Variants in AK4 observed in about 807,000 individuals in gnomAD.
AK4 encodes adenylate kinase 4, mitochondrial.
A neutral mutation model predicts 24.6 loss-of-function variants in AK4; 13 were observed. The ratio of observed to expected loss-of-function variants is 0.53; its 90% confidence interval spans 0.34 to 0.84. The LOEUF is 0.84. Among genes scored for constraint, AK4 ranks in the 40% least tolerant of loss-of-function variants. The pLI, the probability that AK4 is intolerant of heterozygous loss-of-function variation, is 0.01. For missense variants in AK4, 192 were observed against 288.2 expected (o/e 0.67, Z 2.42); for synonymous variants, 88 against 107.0 (o/e 0.82, Z 1.10).
At chr1:65,200,953 C>G (rs887621659) in intron 2 of AK4, among the ~76,000 whole-genome samples, 1 of 152,076 alleles carries the variant, frequency 6.6e-6, no homozygotes, top group Non-Finnish European at 1.5e-5. Context: ...GCCACCACGC[C>G]CAGCTAATTT....
intron 1 of AK4, among the ~76,000 whole-genome samples, chr1:65,153,739 T>A (rs1649878794): frequency 6.6e-6 from 1 of 152,214 alleles, no homozygotes; most frequent in Non-Finnish European, 1.5e-5. Flanking sequence ...GTTGTGTGAT[T>A]AGGGAAGGCC....
chr1:65,147,602 C>G (rs1649603408), upstream of AK4: 1 of 151,838 alleles, frequency 6.6e-6, no homozygotes, highest in Non-Finnish European at 1.5e-5. Flanking sequence ...ACTGGGCGGG[C>G]GGAGGCGGCG....
At chr1:65,180,926 G>A (rs1650884298) in intron 1 of AK4, among the ~76,000 whole-genome samples, 1 of 152,108 alleles carries the variant, frequency 6.6e-6, no homozygotes, top group Non-Finnish European at 1.5e-5. Flanking sequence ...TGATACTTCA[G>A]GGTAGAGTGG....
At chr1:65,211,531 A>T (rs779579496) in intron 2 of AK4, among the ~76,000 whole-genome samples, 1 of 152,222 alleles carries the variant, frequency 6.6e-6, no homozygotes, top group Non-Finnish European at 1.5e-5. Context: ...GACAAATAGC[A>T]CTTGATTTAA....
At chr1:65,220,696 G>T (rs946349849) in intron 3 of AK4, among the ~76,000 whole-genome samples, 1 of 152,098 alleles carries the variant, frequency 6.6e-6, no homozygotes, top group Non-Finnish European at 1.5e-5. Flanking sequence ...GGCTGGTCTC[G>T]AACCCCTGAT....
intron 2 of AK4, among the ~76,000 whole-genome samples, chr1:65,205,347 G>T (rs974069592): frequency 6.6e-6 from 1 of 152,066 alleles, no homozygotes; most frequent in Non-Finnish European, 1.5e-5. Flanking sequence ...GGATCCTCCC[G>T]CCTCAGCCTC....
intron 4 of AK4, 49 bp from the exon 5 acceptor site, chr1:65,226,014 G>A (rs564798376): frequency 7.6e-5 from 121 of 1,582,352 alleles, no homozygotes; most frequent in Admixed American, 1.7e-4. Context: ...GCACTAATAC[G>A]TGGAAAAGAA....
intron 1 of AK4, 112 bp downstream of exon 1, chr1:65,148,664 C>A: frequency 1.4e-6 from 2 of 1,390,204 alleles, no homozygotes; most frequent in Non-Finnish European, 1.9e-6. Context: ...CGCGTGTGGT[C>A]GTGCAGGCTC....
At chr1:65,211,752 A>T (rs1339835787) in intron 2 of AK4, among the ~76,000 whole-genome samples, 1 of 152,254 alleles carries the variant, frequency 6.6e-6, no homozygotes, top group Admixed American at 6.5e-5. Context: ...AGTAAACAAG[A>T]ACTTAAAATG....
rs547269173 is a variant in AK4, at chr1:65,166,975, T to C, written c.145+18423T>C. On this transcript the variant is annotated intron_variant, in intron 1 of 4. Coordinates refer to ENST00000327299, the MANE Select transcript of AK4 (RefSeq NM_013410.4). ...GGTGAAACCCTGTCTCTACTAAAAA[T>C]ACAAAGATTAGCTAGGTGTGGTGGC... 2.2e-4 allele frequency among the ~76,000 whole-genome samples: 34 copies of C among 152,244 alleles called. No homozygotes were observed. In the East Asian group the frequency reaches 6.0e-3, roughly 27 times the overall value.
intron 1 of AK4, among the ~76,000 whole-genome samples, chr1:65,173,196 C>T (rs531220628): frequency 4.6e-5 from 7 of 152,104 alleles, no homozygotes; most frequent in Middle Eastern, 6.8e-3. Flanking sequence ...AAGTCTTGGT[C>T]GTCAGTATTG....
chr1:65,224,793 G>C lies in AK4; in HGVS notation c.480G>C (p.Glu160Asp). The change falls in exon 4 of 5, where the codon GAG becomes GAC. Residue 160 changes from glutamate to aspartate, a missense_variant. Transcript: ENST00000327299. ...CTGGTGAACCGTTAGTCCAGCAGGA[G>C]GATGATAAACCCGAAGCAGTTGCTG... ...DVTGEPLVQQ[E>D]DDKPEAVAAR... 6.2e-7 allele frequency: 1 copy of C among 1,613,782 alleles called. No homozygotes were observed. Among genetic ancestry groups the C allele is most frequent in the South Asian group, 1.1e-5 (1 of 91,056 alleles).
At chr1:65,170,397 C>G (rs1018739046) in intron 1 of AK4, among the ~76,000 whole-genome samples, 1 of 151,960 alleles carries the variant, frequency 6.6e-6, no homozygotes, top group South Asian at 2.1e-4. Context: ...CAAAAAAAAT[C>G]AGTTTTAAGG....
chr1:65,212,643 C>T (rs181421291), intron 2 of AK4, among the ~76,000 whole-genome samples: 35 of 152,170 alleles, frequency 2.3e-4, no homozygotes, highest in African/African-American at 7.9e-4. Context: ...CGGGCACTAC[C>T]ACGCCCACCT....
intron 1 of AK4, among the ~76,000 whole-genome samples, chr1:65,174,061 C>T (rs1346930482): frequency 6.6e-6 from 1 of 152,226 alleles, no homozygotes. Flanking sequence ...ATTTCTTGCT[C>T]TTTTCCCTTC....
intron 1 of AK4, among the ~76,000 whole-genome samples, chr1:65,156,733 C>A (rs1032289123): frequency 6.6e-6 from 1 of 151,582 alleles, no homozygotes; most frequent in Non-Finnish European, 1.5e-5. Context: ...ACCAGCCTGA[C>A]GAACATGGTG....
chr1:65,157,751 T>G (rs1650027469), intron 1 of AK4, among the ~76,000 whole-genome samples: 1 of 151,888 alleles, frequency 6.6e-6, no homozygotes, highest in Non-Finnish European at 1.5e-5. Flanking sequence ...ATCATGCCAC[T>G]GCACTCCAGC....
chr1:65,206,718 G>T (rs1275845779), intron 2 of AK4, among the ~76,000 whole-genome samples: 1 of 152,260 alleles, frequency 6.6e-6, no homozygotes, highest in Non-Finnish European at 1.5e-5. Context: ...GTTAGAGATT[G>T]CAGTGAGCTA....
At position 65,230,784 on chromosome 1, in the gene AK4, C is replaced by G. The variant is rs1260443736; in HGVS notation, c.*4607C>G. On this transcript the variant is annotated 3_prime_UTR_variant, in exon 5 of 5. Transcript: ENST00000327299. ...GGTGCAGAGACAGGAAATGGGCACT[C>G]AGAGTCACACTGGTAGTTGCACACT... is the stretch of plus-strand genomic sequence containing the variant. 2.0e-5 allele frequency: 3 copies of G among 152,176 alleles called. No individual in the cohort carries two copies. The East Asian group carries it at 5.8e-4, about 29-fold the overall frequency. 9.4% of individuals were successfully genotyped at this position (152,176 alleles called of 1,614,324 possible).
Sources: gnomAD v4.1 joint callset for allele counts (sites outside exome capture counted in the v4.1 genomes callset) on GRCh38, gnomAD v4.1.1 for gene constraint, MANE v1.5 for transcripts, NCBI Gene and HGNC (gene_info 2026-07-23, HGNC 2026-07-21) for gene names.